Variants in C6orf132 observed in about 807,000 individuals in gnomAD.
C6orf132 encodes uncharacterized protein C6orf132.
C6orf132 carries 43 observed loss-of-function variants against 65.3 expected under a neutral mutation model. That is an observed-to-expected ratio of 0.66 (90% CI 0.52 to 0.85). C6orf132 has a LOEUF of 0.85. C6orf132 is among the 40% of genes least tolerant of loss of function. The pLI is 0.00. For missense variants in C6orf132, 1,488 were observed against 1,548.8 expected, an observed-to-expected ratio of 0.96 and a Z score of 0.66; for synonymous variants, 631 against 654.1, an observed-to-expected ratio of 0.96 and a Z score of 0.54.
At position 42,101,445 on chromosome 6, in the gene C6orf132, C is replaced by T. The variant is rs1766280083; in HGVS notation, c.*2316G>A. 1 of 152,212 alleles carries T rather than the reference C, an allele frequency of 6.6e-6. No individual in the cohort carries two copies. The highest frequency in any genetic ancestry group is 2.4e-5 in the African/African-American group (1 of 41,442). 9.4% of individuals were successfully genotyped at this position (152,212 alleles called of 1,614,324 possible). A position where few individuals can be genotyped will look rare whatever the true frequency, so the allele number is the denominator to read the frequency against. ...CTATTAGCTTGCCATGAACAGGAGTCATGTGGGTGAGCTGATGGCAGTCTA... is the reference window on the plus strand; with the variant it reads ...CTATTAGCTTGCCATGAACAGGAGTTATGTGGGTGAGCTGATGGCAGTCTA... On this transcript the variant is annotated 3_prime_UTR_variant, in exon 5 of 5. Coordinates refer to ENST00000341865, the MANE Select transcript of C6orf132 (RefSeq NM_001164446.3).
Position 42,104,310 on chromosome 6 carries a change from C to G in C6orf132, c.3449+153G>C, listed in dbSNP as rs925161958. The stretch of plus-strand genomic sequence containing the variant: ...GTCAGGAAGGCGCCAACAGCGCCCT[C>G]TCCCGGTAAGTGGGCCTCCCTCCCG... On this transcript the variant is annotated intron_variant, in intron 4 of 4. Transcript: ENST00000341865. The surrounding 1 kb of genome is among the most constrained non-coding windows in gnomAD (Gnocchi z 4.1). Among the ~76,000 whole-genome samples, 3 of 152,252 alleles carry G rather than the reference C, an allele frequency of 2.0e-5. No homozygotes were observed. The highest frequency in any genetic ancestry group is 1.3e-4 in the Admixed American group (2 of 15,294).
Position 42,106,972 on chromosome 6 carries a change from A to G in C6orf132, c.940T>C (p.Ser314Pro). ...VPPPTPVRTS[S>P]IPVQEAQEAP... is the part of the protein sequence containing the mutation. ...TCTTGTGCTTCCTGAACTGGGATGG[A>G]CGAAGTCCTGACTGGGGTTGGGGGA... The change falls in exon 4 of 5, where the codon TCC (serine) becomes CCC (proline). Residue 314 changes from serine to proline, a missense_variant. Transcript: ENST00000341865. 6 of 1,534,642 alleles carry G rather than the reference A, an allele frequency of 3.9e-6. No homozygotes were observed. The highest frequency in any genetic ancestry group is 5.2e-6 in the Non-Finnish European group (6 of 1,146,254).
At position 42,142,599 on chromosome 6, in the gene C6orf132, G is replaced by GGGGGGC; in HGVS notation, c.-156_-155insGCCCCC. On this transcript the variant is annotated 5_prime_UTR_variant, in exon 1 of 5. Transcript: ENST00000341865. ...GCGCACCGGGCAACAGGTGCTGCGG[G>GGGGGGC]CGCCGCCGCTTGCCGGGAAATGCGA... The GGGGGGC allele has an allele frequency of 2.9e-6, 1 of 346,554 alleles. No individual in the cohort carries two copies. The allele number at this position is 346,554 out of a possible 1,614,324, so 21.5% of individuals were successfully genotyped here. A position where few individuals can be genotyped will look rare whatever the true frequency, so the allele number is the denominator to read the frequency against.
chr6:42,123,576 A>AAAG (rs544193692), intron 2 of C6orf132, among the ~76,000 whole-genome samples: 159 of 150,556 alleles, frequency 1.1e-3, no homozygotes, highest in Middle Eastern at 3.4e-3. Context: ...GAAGAAGAAG[A>AAAG]AAGAAGAAAG....
chr6:42,117,597 T>C (rs1392315450), intron 2 of C6orf132, among the ~76,000 whole-genome samples: 1 of 152,088 alleles, frequency 6.6e-6, no homozygotes, highest in Non-Finnish European at 1.5e-5. Context: ...TGAATGAATA[T>C]GTTCCTGGAT....
chr6:42,128,550 C>T (rs745854419), intron 2 of C6orf132, 122 bp downstream of exon 2: 68 of 709,696 alleles, frequency 9.6e-5, no homozygotes, highest in Non-Finnish European at 1.5e-4. Context: ...CCCTTCCCGC[C>T]GGGTCAGCAT....
chr6:42,105,368 C>T lies in C6orf132; in HGVS notation c.2544G>A (p.Arg848=), dbSNP rs1766379545. 2.6e-6 allele frequency: 4 copies of T among 1,536,348 alleles called. No individual in the cohort carries two copies. The highest frequency in any genetic ancestry group is 2.6e-6 in the Non-Finnish European group (3 of 1,146,682). Reference sequence around the variant, plus strand: ...CCCCTACAGACCTTCCCTTCTGAGCCCTCTGCCTGGCCGCCAGGAGCAGGG... The same window carrying T: ...CCCCTACAGACCTTCCCTTCTGAGCTCTCTGCCTGGCCGCCAGGAGCAGGG... ...PMALLLAARQ[R]AQKGRSVGAA... is the part of the protein sequence containing the mutation. The change falls in exon 4 of 5, where the codon AGG becomes AGA. Residue 848 remains arginine, a synonymous_variant. Coordinates refer to ENST00000341865, the MANE Select transcript of C6orf132 (RefSeq NM_001164446.3).
chr6:42,127,094 A>G (rs948450237), intron 2 of C6orf132, among the ~76,000 whole-genome samples: 2 of 152,082 alleles, frequency 1.3e-5, no homozygotes, highest in Admixed American at 6.5e-5. Context: ...AGCTGGGACT[A>G]TAGGCACACA....
chr6:42,108,699 AG>A, intron 3 of C6orf132, among the ~76,000 whole-genome samples: 1 of 152,282 alleles, frequency 6.6e-6, no homozygotes, highest in South Asian at 2.1e-4. Flanking sequence ...AGAGATGCTG[AG>A]AGCCCCTGGC....
In C6orf132 at chr6:42,142,390, G is replaced by A. The variant is rs1218011331; in HGVS notation, c.55C>T (p.His19Tyr). 1.9e-6 allele frequency: 3 copies of A among 1,551,406 alleles called. No homozygotes were observed. The highest frequency in any genetic ancestry group is 1.4e-5 in the African/African-American group (1 of 73,038). ...GTFSKLFGKKHTTTPSTSLYA... is the reference protein window; with the variant it reads ...GTFSKLFGKKYTTTPSTSLYA... ...AGGGAGGTGCTGGGGGTCGTGGTGT[G>A]CTTCTTCCCGAAGAGTTTGCTGAAG... The change falls in exon 1 of 5, where the codon CAC (histidine) becomes TAC (tyrosine). Residue 19 changes from histidine to tyrosine, a missense_variant. Transcript: ENST00000341865.
chr6:42,141,730 C>A (rs1767035613), intron 1 of C6orf132, among the ~76,000 whole-genome samples: 1 of 152,170 alleles, frequency 6.6e-6, no homozygotes, highest in South Asian at 2.1e-4. Flanking sequence ...AGGCTGGTAA[C>A]CTGGTAGCAG....
At chr6:42,142,054 C>A (rs1767042823) in intron 1 of C6orf132, among the ~76,000 whole-genome samples, 1 of 152,062 alleles carries the variant, frequency 6.6e-6, no homozygotes. Flanking sequence ...GAGGTGGGGG[C>A]GGCAAAGTTC....
At chr6:42,141,171 C>T (rs962743609) in intron 1 of C6orf132, among the ~76,000 whole-genome samples, 2 of 152,208 alleles carry the variant, frequency 1.3e-5, no homozygotes, top group African/African-American at 4.8e-5. Flanking sequence ...TTTGTCCGTC[C>T]TGCTCCTATC....
Position 42,104,236 on chromosome 6 carries a change from G to C in C6orf132, c.3449+227C>G, listed in dbSNP as rs1485592477. Among the ~76,000 whole-genome samples the C allele has an allele frequency of 6.8e-6, 1 of 147,648 alleles. No individual in the cohort carries two copies. The highest frequency in any genetic ancestry group is 1.5e-5 in the Non-Finnish European group (1 of 68,032). ...TCTGGGATCTAGCGGGCAGGAGAGA[G>C]ACAGACGAGAGGAGCTGGTGGGGAA... On this transcript the variant is annotated intron_variant, in intron 4 of 4. Transcript: ENST00000341865. The surrounding 1 kb of genome is among the most constrained non-coding windows in gnomAD (Gnocchi z 4.1).
chr6:42,142,520 A>G lies in C6orf132; in HGVS notation c.-76T>C. On this transcript the variant is annotated 5_prime_UTR_variant, in exon 1 of 5. Transcript: ENST00000341865. ...TGCCCTGCCCCGGACTGAACTCAGC[A>G]CGGTCTCCCCAGGGGACTCTACCAG... is the stretch of plus-strand genomic sequence containing the variant. 7.1e-7 allele frequency: 1 copy of G among 1,398,606 alleles called. No individual in the cohort carries two copies. Among genetic ancestry groups the G allele is most frequent in the Admixed American group, 2.2e-5 (1 of 46,110 alleles). 86.6% of individuals were successfully genotyped at this position (1,398,606 alleles called of 1,614,324 possible). A position where few individuals can be genotyped will look rare whatever the true frequency, so the allele number is the denominator to read the frequency against.
At chr6:42,110,165 G>A (rs996702033) in intron 3 of C6orf132, 51 bp downstream of exon 3, 2 of 1,438,098 alleles carry the variant, frequency 1.4e-6, no homozygotes, top group African/African-American at 1.4e-5. Context: ...TGAACTCAGG[G>A]CCCTAGGAGG....
intron 2 of C6orf132, chr6:42,126,846 GC>G (rs1766774622): frequency 3.1e-6 from 1 of 320,988 alleles, no homozygotes. Context: ...AACTCAGTCT[GC>G]AAAAAAAAAA....
In C6orf132 at chr6:42,107,343, G is replaced by A. The variant is rs1228756922; in HGVS notation, c.569C>T (p.Pro190Leu). ...PPPPPSMAPP[P>L]PPVLEALSPP... ...GGATAGGGCCTCCAATACTGGGGGT[G>A]GAGGTGGGGCCATGCTGGGCGGGGG... Residue 190 changes from proline to leucine, a missense_variant, in exon 4 of 5, where the codon CCA (proline) becomes CTA (leucine). Coordinates refer to ENST00000341865, the MANE Select transcript of C6orf132 (RefSeq NM_001164446.3). 46 of 1,253,172 alleles carry A rather than the reference G, an allele frequency of 3.7e-5. No homozygotes were observed. The highest frequency in any genetic ancestry group is 4.8e-5 in the Non-Finnish European group (44 of 921,014). 77.6% of individuals were successfully genotyped at this position (1,253,172 alleles called of 1,614,324 possible).
intron 1 of C6orf132, among the ~76,000 whole-genome samples, chr6:42,137,367 C>G (rs1390252349): frequency 6.6e-6 from 1 of 152,134 alleles, no homozygotes; most frequent in Non-Finnish European, 1.5e-5. Flanking sequence ...TGCCGGCAAA[C>G]CACAGCACAC....
Sources: allele counts gnomAD v4.1 joint callset (sites outside exome capture counted in the v4.1 genomes callset), GRCh38; gene constraint gnomAD v4.1.1; non-coding constraint Gnocchi (gnomAD v3.1); transcripts MANE v1.5; gene names NCBI Gene and HGNC (gene_info 2026-07-23, HGNC 2026-07-21).